PILRA: variants seen among roughly 807,000 people sequenced by gnomAD.
PILRA encodes paired immunoglobulin-like type 2 receptor alpha.
PILRA carries 37 observed loss-of-function variants against 33.1 expected under a neutral mutation model. The observed-to-expected ratio is 1.12, with a 90% CI of 0.86 to 1.47. The LOEUF is 1.47. Among genes scored for constraint, PILRA ranks in the 40% most tolerant of loss-of-function variants. PILRA has a pLI of 0.00. For synonymous variants in PILRA, 146 were observed against 149.9 expected (o/e 0.97, Z 0.19); for missense variants, 312 against 376.2 (o/e 0.83, Z 1.41).
chr7:100,386,944 C>T (rs1791267342), intron 2 of PILRA, among the ~76,000 whole-genome samples: 1 of 151,908 alleles, frequency 6.6e-6, no homozygotes, highest in Non-Finnish European at 1.5e-5. Context: ...GTTCTGGAAA[C>T]TTCTATGTGA....
chr7:100,393,007 C>T (rs1791418476), intron 3 of PILRA, among the ~76,000 whole-genome samples: 1 of 152,176 alleles, frequency 6.6e-6, no homozygotes, highest in Non-Finnish European at 1.5e-5. Context: ...TGGCCAGGTG[C>T]AGTGGCTCAT....
At chr7:100,379,092 C>CAA (rs760446053) in intron 2 of PILRA, among the ~76,000 whole-genome samples, 26 of 73,592 alleles carry the variant, frequency 3.5e-4, no homozygotes, top group African/African-American at 9.9e-4. Flanking sequence ...GACTCTGTCT[C>CAA]AAAAAAAAAA....
intron 2 of PILRA, among the ~76,000 whole-genome samples, chr7:100,384,236 G>A (rs73401450): frequency 1.3e-5 from 2 of 151,780 alleles, no homozygotes; most frequent in East Asian, 3.9e-4. Flanking sequence ...ACGGAAGAAC[G>A]GGTTTAGGGG....
chr7:100,380,193 C>T (rs1048961538), intron 2 of PILRA, among the ~76,000 whole-genome samples: 3 of 152,140 alleles, frequency 2.0e-5, no homozygotes, highest in Non-Finnish European at 4.4e-5. Context: ...ACCGAATCCC[C>T]CAGCACCGGG....
intron 2 of PILRA, among the ~76,000 whole-genome samples, chr7:100,378,185 TA>T (rs768016679): frequency 0.011 from 1,403 of 133,566 alleles, 6 homozygotes; most frequent in African/African-American, 0.015. Context: ...CCCCCATCTC[TA>T]AAAAAAAAAA....
chr7:100,391,277 C>T (rs1340887176), intron 3 of PILRA, among the ~76,000 whole-genome samples: 2 of 150,816 alleles, frequency 1.3e-5, no homozygotes, highest in African/African-American at 4.9e-5. Flanking sequence ...ATTGCTTGAG[C>T]CCAGGAGTTT....
chr7:100,386,512 AC>A (rs1317139337), intron 2 of PILRA, among the ~76,000 whole-genome samples: 3 of 151,912 alleles, frequency 2.0e-5, no homozygotes, highest in Non-Finnish European at 4.4e-5. Context: ...AAAAAAAAAA[AC>A]AAAACACAAA....
chr7:100,379,541 G>A (rs1584214475), intron 2 of PILRA, among the ~76,000 whole-genome samples: 1 of 151,446 alleles, frequency 6.6e-6, no homozygotes, highest in South Asian at 2.1e-4. Flanking sequence ...GGTAGCACGC[G>A]CCTGTAGTCC....
intron 2 of PILRA, among the ~76,000 whole-genome samples, chr7:100,387,554 A>T (rs1321120283): frequency 6.6e-6 from 1 of 152,040 alleles, no homozygotes; most frequent in Non-Finnish European, 1.5e-5. Flanking sequence ...TAAAAATATC[A>T]CCCAGGCCTG....
Position 100,390,127 on chromosome 7 carries a change from C to A in PILRA, c.673+21C>A, listed in dbSNP as rs1039338072. On this transcript the variant is annotated intron_variant, in intron 3 of 6. Coordinates refer to ENST00000198536, the MANE Select transcript of PILRA (RefSeq NM_013439.3). ...GAAAGGTAAGTGCCCAGGACCCGCC[C>A]TCTCCCCAAGCCTCCCATCTGGGGG... 2.5e-6 allele frequency: 4 copies of A among 1,603,012 alleles called. No individual in the cohort carries two copies. The African/African-American group carries it at 5.4e-5, about 21-fold the overall frequency.
At chr7:100,379,866 T>A (rs1301318019) in intron 2 of PILRA, among the ~76,000 whole-genome samples, 1 of 152,072 alleles carries the variant, frequency 6.6e-6, no homozygotes, top group African/African-American at 2.4e-5. Context: ...AACAGACTAA[T>A]GGAATTGGTT....
chr7:100,396,474 GAAAC>G lies in PILRA; in HGVS notation c.674-1404_674-1401del, dbSNP rs1791494828. On this transcript the variant is annotated intron_variant, in intron 3 of 6. Coordinates refer to ENST00000198536, the MANE Select transcript of PILRA (RefSeq NM_013439.3). ...TCGAGACCAGCATGACCAACGTGGT[GAAAC>G]CCTGTCTCTACTAAAAATACAAAAT... Among the ~76,000 whole-genome samples the G allele has an allele frequency of 2.0e-5, 3 of 152,262 alleles. No homozygotes were observed. The South Asian group carries it at 6.2e-4, about 32-fold the overall frequency.
chr7:100,390,249 G>A, intron 3 of PILRA, 143 bp downstream of exon 3: 2 of 692,656 alleles, frequency 2.9e-6, no homozygotes, highest in Non-Finnish European at 5.0e-6. Context: ...GGCCTATGCT[G>A]AGGTGTCTGC....
intron 2 of PILRA, among the ~76,000 whole-genome samples, chr7:100,387,250 G>A (rs1300047623): frequency 6.6e-6 from 1 of 152,180 alleles, no homozygotes; most frequent in Non-Finnish European, 1.5e-5. Context: ...ATCTTGCTCT[G>A]TCACCCAGGC....
intron 2 of PILRA, among the ~76,000 whole-genome samples, chr7:100,387,128 C>T (rs1332805653): frequency 6.6e-6 from 1 of 152,154 alleles, no homozygotes; most frequent in Admixed American, 6.5e-5. Flanking sequence ...CAGAACTTGG[C>T]GATGACCTTG....
upstream of PILRA, among the ~76,000 whole-genome samples, chr7:100,372,155 C>T (rs187937718): frequency 5.9e-5 from 9 of 152,314 alleles, no homozygotes; most frequent in African/African-American, 1.7e-4. Context: ...CCAAAGCCCC[C>T]GTCCCTCAGT....
At chr7:100,374,859 C>T (rs556274825) in intron 2 of PILRA, 8 of 250,582 alleles carry the variant, frequency 3.2e-5, no homozygotes, top group Admixed American at 2.0e-4. Context: ...CAGGGTGGGC[C>T]CCATACCTTG....
At position 100,373,722 on chromosome 7, in the gene PILRA, T is replaced by C; in HGVS notation, c.64+2T>C. On this transcript the variant is annotated splice_donor_variant, in intron 1 of 6. Transcript: ENST00000198536. LOFTEE classifies it high-confidence loss of function. ...TGCCGCCAGCATTTCTGCAGCCTAG[T>C]GAGTACCCAGGACCACCCAGATGTG... The C allele has an allele frequency of 6.2e-7, 1 of 1,613,042 alleles. No individual in the cohort carries two copies. Among genetic ancestry groups the C allele is most frequent in the Non-Finnish European group, 8.5e-7 (1 of 1,179,948 alleles).
At chr7:100,376,055 GT>G (rs1790939926) in intron 2 of PILRA, 1 of 152,202 alleles carries the variant, frequency 6.6e-6, no homozygotes, top group Non-Finnish European at 1.5e-5. Flanking sequence ...AGGTGGGTTT[GT>G]TTTTTCTAAT....
Sources: gnomAD v4.1 joint callset for allele counts (sites outside exome capture counted in the v4.1 genomes callset) on GRCh38, gnomAD v4.1.1 for gene constraint, MANE v1.5 for transcripts, NCBI Gene and HGNC (gene_info 2026-07-23, HGNC 2026-07-21) for gene names.